WDR31: variants seen among roughly 807,000 people sequenced by gnomAD.
WDR31 encodes WD repeat-containing protein 31.
Under a neutral mutation model 47.3 loss-of-function variants are expected in WDR31, and 30 were observed. The observed-to-expected ratio is 0.63, with a 90% CI of 0.47 to 0.86. The LOEUF (loss-of-function observed/expected upper bound fraction) is 0.86. Among genes scored for constraint, WDR31 ranks in the 40% least tolerant of loss-of-function variants. WDR31 has a pLI of 0.00. For synonymous variants in WDR31, 137 were observed against 159.4 expected (o/e 0.86, Z 1.06); for missense variants, 406 against 442.9 (o/e 0.92, Z 0.75).
chr9:113,324,556 A>G (rs1404887145), intron 5 of WDR31, among the ~76,000 whole-genome samples: 3 of 151,380 alleles, frequency 2.0e-5, no homozygotes, highest in African/African-American at 7.3e-5. Flanking sequence ...TACCTGACTA[A>G]TTTTTGTATT....
rs1289832527 is a variant in WDR31, at chr9:113,315,817, C to T, written c.*932G>A. On this transcript the variant is annotated 3_prime_UTR_variant, in exon 11 of 11. Transcript: ENST00000374193. Reference sequence around the variant, plus strand: ...GAGTAGCTGGGACTACAGGCACGCACGTACAGGCTGGTCTTGAACTCCTGA... The same window carrying T: ...GAGTAGCTGGGACTACAGGCACGCATGTACAGGCTGGTCTTGAACTCCTGA... 6.6e-6 allele frequency: 1 copy of T among 152,168 alleles called. No homozygotes were observed. The highest frequency in any genetic ancestry group is 2.4e-5 in the African/African-American group (1 of 41,422). The allele number at this position is 152,168 out of a possible 1,614,324, so 9.4% of individuals were successfully genotyped here. A position where few individuals can be genotyped will look rare whatever the true frequency, so the allele number is the denominator to read the frequency against.
chr9:113,335,071 T>C (rs1027498881), intron 2 of WDR31, among the ~76,000 whole-genome samples: 1 of 152,142 alleles, frequency 6.6e-6, no homozygotes, highest in African/African-American at 2.4e-5. Context: ...AATGTTAATA[T>C]TGGATTATAT....
At chr9:113,323,227 A>T in intron 5 of WDR31, 72 bp from the exon 6 acceptor site, 1 of 1,539,926 alleles carries the variant, frequency 6.5e-7, no homozygotes, top group Non-Finnish European at 8.8e-7. Flanking sequence ...AAATTGGGGG[A>T]AAGATGAGTC....
chr9:113,321,662 A>G, intron 7 of WDR31, 84 bp from the exon 8 acceptor site: 1 of 1,299,972 alleles, frequency 7.7e-7, no homozygotes, highest in Non-Finnish European at 1.1e-6. Flanking sequence ...AACTAGCATC[A>G]CTGTGCCTCT....
intron 5 of WDR31, among the ~76,000 whole-genome samples, chr9:113,324,467 G>T (rs1333250644): frequency 1.4e-5 from 2 of 147,806 alleles, no homozygotes; most frequent in Admixed American, 6.9e-5. Flanking sequence ...TCGGTTCACT[G>T]CAACCTTCCC....
chr9:113,322,974 GCA>G, intron 6 of WDR31, 35 bp downstream of exon 6: 2 of 1,613,770 alleles, frequency 1.2e-6, no homozygotes, highest in South Asian at 2.2e-5. Flanking sequence ...TTTTCAGAAA[GCA>G]CAAAGGCATT....
In WDR31 at chr9:113,322,896, C is replaced by T. The variant is rs1833358881; in HGVS notation, c.485G>A (p.Cys162Tyr). ...CAGGGTGTTGTCCCGAGAGCCAGTG[C>T]ACAGCTGTGATGAGTCTTTGGAAAC... ...LAVSPDSSQL[C>Y]TGSRDNTLLL... Residue 162 changes from cysteine to tyrosine, a missense_variant, in exon 7 of 11, where the codon TGC (cysteine) becomes TAC (tyrosine). By Grantham distance (194) the Cys-to-Tyr change is radical (BLOSUM62 -2). Transcript: ENST00000374193. The T allele has an allele frequency of 6.2e-7, 1 of 1,614,176 alleles. No homozygotes were observed.
At chr9:113,320,616 G>A in intron 8 of WDR31, 118 bp from the exon 9 acceptor site, 2 of 1,304,132 alleles carry the variant, frequency 1.5e-6, no homozygotes, top group Non-Finnish European at 1.0e-6. Context: ...AGATTGGAAT[G>A]GCATGATTTA....
rs778278514 is a variant in WDR31 at position 113,316,370 on chromosome 9, G to C, written c.*379C>G. 9 of 167,890 alleles carry C rather than the reference G, an allele frequency of 5.4e-5. No homozygotes were observed. The highest frequency in any genetic ancestry group is 1.0e-4 in the Non-Finnish European group (8 of 78,154). The allele number at this position is 167,890 out of a possible 1,614,324, so 10.4% of individuals were successfully genotyped here. A position where few individuals can be genotyped will look rare whatever the true frequency, so the allele number is the denominator to read the frequency against. The stretch of plus-strand genomic sequence containing the variant: ...TGCCTTTTTTCTTTTGTAAAGACTT[G>C]CAAAGGGTCAGTTCCAGAGGCTCGA... On this transcript the variant is annotated 3_prime_UTR_variant, in exon 11 of 11. Coordinates refer to ENST00000374193, the MANE Select transcript of WDR31 (RefSeq NM_001012361.4).
At chr9:113,334,934 C>T (rs1223914015) in intron 2 of WDR31, among the ~76,000 whole-genome samples, 1 of 152,024 alleles carries the variant, frequency 6.6e-6, no homozygotes, top group Non-Finnish European at 1.5e-5. Flanking sequence ...ATGATGGTAG[C>T]AGAGCAGGAT....
rs1273577203 is a variant in WDR31 at position 113,323,180 on chromosome 9, CTGAAA to C, written c.325-30_325-26del. ...CCTGCTCAGGGAAAAAACAACAACA[CTGAAA>C]TAGCTCTGGTATGCTAGTTGGACTG... On this transcript the variant is annotated intron_variant, in intron 5 of 10. Transcript: ENST00000374193. The C allele has an allele frequency of 3.1e-6, 5 of 1,606,812 alleles. No individual in the cohort carries two copies. The Admixed American group carries it at 6.7e-5, about 22-fold the overall frequency.
intron 2 of WDR31, among the ~76,000 whole-genome samples, chr9:113,336,046 T>C (rs1041083898): frequency 8.5e-5 from 13 of 152,244 alleles, no homozygotes; most frequent in African/African-American, 2.4e-4. Context: ...AAGTTTGGGA[T>C]GTGGTATTGT....
chr9:113,333,649 G>C (rs1198748366), intron 2 of WDR31, among the ~76,000 whole-genome samples: 1 of 151,308 alleles, frequency 6.6e-6, no homozygotes, highest in Non-Finnish European at 1.5e-5. Context: ...CCAAAGTGCT[G>C]GGATTACAGG....
At chr9:113,318,323 GATA>G in intron 10 of WDR31, 149 bp downstream of exon 10, 1 of 822,056 alleles carries the variant, frequency 1.2e-6, no homozygotes, top group South Asian at 1.7e-5. Context: ...GGATACAGGG[GATA>G]GCATCTTGAC....
In WDR31 at chr9:113,314,005, A is replaced by G. The variant is rs1833132231; in HGVS notation, c.*2744T>C. On this transcript the variant is annotated 3_prime_UTR_variant, in exon 11 of 11. Transcript: ENST00000374193. ...AAATCCCGTCTCTACTAAAAACACA[A>G]AAAAATTAGCCGGGCGTGATGGCGG... The G allele has an allele frequency of 6.6e-6, 1 of 151,798 alleles. No individual in the cohort carries two copies. Among genetic ancestry groups the G allele is most frequent in the Admixed American group, 6.6e-5 (1 of 15,226 alleles). The allele number at this position is 151,798 out of a possible 1,614,324, so 9.4% of individuals were successfully genotyped here. A position where few individuals can be genotyped will look rare whatever the true frequency, so the allele number is the denominator to read the frequency against.
rs1394063311 is a variant in WDR31 at position 113,320,376 on chromosome 9, C to T, written c.761G>A (p.Gly254Glu). 6.2e-7 allele frequency: 1 copy of T among 1,614,244 alleles called. No individual in the cohort carries two copies. The highest frequency in any genetic ancestry group is 2.2e-5 in the East Asian group (1 of 44,892). The change falls in exon 9 of 11, where the codon GGA (glycine) becomes GAA (glutamate). Residue 254 changes from glycine (G) to glutamate (E), a missense_variant. Coordinates refer to ENST00000374193, the MANE Select transcript of WDR31 (RefSeq NM_001012361.4). ...KCISCSNGFG[G>E]EGCEATLWDL... is the part of the protein sequence containing the mutation. ...TCCTACCGTGGCTTCACAGCCTTCTCCTCCAAAGCCATTGCTGCAGGAGAT... is the reference window on the plus strand; with the variant it reads ...TCCTACCGTGGCTTCACAGCCTTCTTCTCCAAAGCCATTGCTGCAGGAGAT...
At chr9:113,337,090 C>A (rs1361212296) in intron 1 of WDR31, among the ~76,000 whole-genome samples, 1 of 152,188 alleles carries the variant, frequency 6.6e-6, no homozygotes, top group African/African-American at 2.4e-5. Flanking sequence ...AAGGGCAGCA[C>A]AGAATAGTCA....
At chr9:113,328,860 T>C in intron 5 of WDR31, 21 bp downstream of exon 5, 1 of 1,595,456 alleles carries the variant, frequency 6.3e-7, no homozygotes, top group Non-Finnish European at 8.6e-7. Context: ...ATTGCCTTCA[T>C]AATAATCATT....
intron 10 of WDR31, 118 bp from the exon 11 acceptor site, chr9:113,317,027 G>T: frequency 8.3e-7 from 1 of 1,202,056 alleles, no homozygotes; most frequent in Non-Finnish European, 1.1e-6. Flanking sequence ...ACCCGTATGA[G>T]AGAGACCCCA....
Sources: allele counts gnomAD v4.1 joint callset (sites outside exome capture counted in the v4.1 genomes callset), GRCh38; gene constraint gnomAD v4.1.1; transcripts MANE v1.5; gene names NCBI Gene and HGNC (gene_info 2026-07-23, HGNC 2026-07-21).